Variants in EPHA3 observed in about 807,000 individuals in gnomAD.
The protein encoded by EPHA3 is ephrin type-A receptor 3.
In EPHA3, 42 loss-of-function variants were observed where a neutral mutation model predicts 107.1. That is an observed-to-expected ratio of 0.39 (90% CI 0.31 to 0.51). The LOEUF (loss-of-function observed/expected upper bound fraction) is 0.51, where lower values mean the gene tolerates loss of function less well. Ranked by LOEUF, EPHA3 falls within the 20% of genes least tolerant of loss-of-function variation. The probability of loss-of-function intolerance (pLI) is 0.78; values close to 1 mark genes in which losing one functional copy is unlikely to be tolerated. For synonymous variants in EPHA3, 461 were observed against 424.8 expected (o/e 1.09, Z -1.05); for missense variants, 1,183 against 1,211.2 (o/e 0.98, Z 0.35).
chr3:89,121,545 T>A (rs1576163822), intron 1 of EPHA3, among the ~76,000 whole-genome samples: 1 of 151,976 alleles, frequency 6.6e-6, no homozygotes, highest in African/African-American at 2.4e-5. Flanking sequence ...GATCATGAGG[T>A]CAAGAGATCG....
At chr3:89,201,397 A>AAATG (rs2107160933) in intron 2 of EPHA3, among the ~76,000 whole-genome samples, 1 of 152,322 alleles carries the variant, frequency 6.6e-6, no homozygotes, top group East Asian at 1.9e-4. Context: ...ATGAATGAAT[A>AAATG]AATGAATACA....
chr3:89,320,900 C>A (rs567463660), intron 3 of EPHA3, among the ~76,000 whole-genome samples: 26 of 152,058 alleles, frequency 1.7e-4, no homozygotes, highest in African/African-American at 6.0e-4. Context: ...GAGAAGATTC[C>A]TAAGACAGAA....
At chr3:89,442,311 C>CA (rs1709801036) in intron 13 of EPHA3, among the ~76,000 whole-genome samples, 1 of 152,102 alleles carries the variant, frequency 6.6e-6, no homozygotes, top group African/African-American at 2.4e-5. Flanking sequence ...TAGCCTGTGA[C>CA]AGGGGTATAA....
At chr3:89,433,836 C>T (rs981478229) in intron 13 of EPHA3, among the ~76,000 whole-genome samples, 1 of 152,060 alleles carries the variant, frequency 6.6e-6, no homozygotes, top group African/African-American at 2.4e-5. Context: ...CTTTTTAGTT[C>T]TCCTTCTCTG....
chr3:89,283,968 A>C (rs1002607740), intron 3 of EPHA3, among the ~76,000 whole-genome samples: 1 of 152,256 alleles, frequency 6.6e-6, no homozygotes, highest in East Asian at 1.9e-4. Flanking sequence ...AAACATGAAT[A>C]CAGAGACATT....
intron 2 of EPHA3, among the ~76,000 whole-genome samples, chr3:89,159,131 A>C (rs1484567026): frequency 6.6e-6 from 1 of 152,014 alleles, no homozygotes; most frequent in Non-Finnish European, 1.5e-5. Flanking sequence ...GATTTTACTG[A>C]TTCATTAAGT....
At chr3:89,332,447 T>C (rs1453478213) in intron 3 of EPHA3, among the ~76,000 whole-genome samples, 1 of 152,216 alleles carries the variant, frequency 6.6e-6, no homozygotes, top group Non-Finnish European at 1.5e-5. Flanking sequence ...CCTTAGGCCT[T>C]TTTTATAGAA....
At chr3:89,183,706 C>A (rs1351182403) in intron 2 of EPHA3, among the ~76,000 whole-genome samples, 1 of 151,844 alleles carries the variant, frequency 6.6e-6, no homozygotes, top group Non-Finnish European at 1.5e-5. Context: ...ACTTTATGTT[C>A]CTTTTGCTTT....
chr3:89,403,204 G>A (rs1576361003), intron 7 of EPHA3, among the ~76,000 whole-genome samples: 1 of 152,070 alleles, frequency 6.6e-6, no homozygotes, highest in Non-Finnish European at 1.5e-5. Context: ...TTACAGTTGA[G>A]GAAACTGAGA....
At chr3:89,297,759 G>T (rs1442141971) in intron 3 of EPHA3, among the ~76,000 whole-genome samples, 1 of 152,090 alleles carries the variant, frequency 6.6e-6, no homozygotes, top group South Asian at 2.1e-4. Context: ...TGTTGGCCAG[G>T]CATGGTGGCT....
intron 3 of EPHA3, among the ~76,000 whole-genome samples, chr3:89,337,509 CA>C (rs893227485): frequency 6.6e-6 from 1 of 152,138 alleles, no homozygotes; most frequent in Non-Finnish European, 1.5e-5. Context: ...AAGACATCTA[CA>C]AAAATTAAAA....
chr3:89,291,063 A>C (rs1339193376), intron 3 of EPHA3, among the ~76,000 whole-genome samples: 2 of 152,154 alleles, frequency 1.3e-5, no homozygotes, highest in African/African-American at 2.4e-5. Flanking sequence ...TGTAGTCAGC[A>C]TAATGTTTGA....
intron 5 of EPHA3, among the ~76,000 whole-genome samples, chr3:89,363,219 A>G (rs1339820237): frequency 6.6e-6 from 1 of 150,660 alleles, no homozygotes; most frequent in Non-Finnish European, 1.5e-5. Flanking sequence ...GGGGGCAGGG[A>G]AAGAATACAC....
chr3:89,305,166 G>GT (rs1385061501), intron 3 of EPHA3, among the ~76,000 whole-genome samples: 1 of 151,984 alleles, frequency 6.6e-6, no homozygotes, highest in Non-Finnish European at 1.5e-5. Flanking sequence ...ATTCTCACAA[G>GT]TTTTTTCTTT....
intron 3 of EPHA3, among the ~76,000 whole-genome samples, chr3:89,334,725 C>T (rs1212516147): frequency 6.6e-6 from 1 of 152,122 alleles, no homozygotes; most frequent in Non-Finnish European, 1.5e-5. Flanking sequence ...TACGTAATTA[C>T]TTAGGGTAGA....
intron 3 of EPHA3, among the ~76,000 whole-genome samples, chr3:89,312,365 G>A (rs1039492806): frequency 1.4e-5 from 2 of 146,272 alleles, no homozygotes; most frequent in African/African-American, 2.5e-5. Context: ...ACGCAATTCT[G>A]GTTTTTTTTT....
chr3:89,403,562 G>T (rs1709003891), intron 7 of EPHA3, among the ~76,000 whole-genome samples: 1 of 152,140 alleles, frequency 6.6e-6, no homozygotes, highest in Non-Finnish European at 1.5e-5. Context: ...GATTTTCCTA[G>T]CATGAAGGTA....
At chr3:89,233,225 A>T (rs1704678102) in intron 3 of EPHA3, among the ~76,000 whole-genome samples, 1 of 152,182 alleles carries the variant, frequency 6.6e-6, no homozygotes, top group South Asian at 2.1e-4. Flanking sequence ...TATTTAGAAA[A>T]TCAAAGAAAT....
intron 1 of EPHA3, among the ~76,000 whole-genome samples, chr3:89,119,749 A>G (rs928746865): frequency 3.3e-5 from 5 of 152,172 alleles, no homozygotes; most frequent in African/African-American, 1.2e-4. Context: ...TTCAAAACAA[A>G]TATGTGTGTA....
Sources: gnomAD v4.1 joint callset for allele counts (sites outside exome capture counted in the v4.1 genomes callset) on GRCh38, gnomAD v4.1.1 for gene constraint, MANE v1.5 for transcripts, NCBI Gene and HGNC (gene_info 2026-07-23, HGNC 2026-07-21) for gene names.